The following SUPT3H variants were observed in gnomAD, a reference collection of about 807,000 sequenced individuals.
The protein encoded by SUPT3H is transcription initiation protein SPT3 homolog.
A neutral mutation model predicts 44.3 loss-of-function variants in SUPT3H; 44 were observed. That is an observed-to-expected ratio of 0.99 (90% CI 0.78 to 1.28). SUPT3H has a LOEUF of 1.28. SUPT3H is among the 50% of genes most tolerant of loss of function. The pLI is 0.00. For missense variants in SUPT3H, 380 were observed against 387.1 expected (o/e 0.98, Z 0.15); for synonymous variants, 124 against 125.6 (o/e 0.99, Z 0.09).
intron 3 of SUPT3H, among the ~76,000 whole-genome samples, chr6:45,088,802 CAGCTGTCATGGT>C (rs1796787927): frequency 6.6e-6 from 1 of 151,962 alleles, no homozygotes; most frequent in Non-Finnish European, 1.5e-5. Flanking sequence ...TCAATACTGA[CAGCTGTCATGGT>C]AGATTTGATT....
chr6:44,933,879 C>G (rs1002518698), intron 9 of SUPT3H, among the ~76,000 whole-genome samples: 6 of 152,168 alleles, frequency 3.9e-5, no homozygotes, highest in Non-Finnish European at 8.8e-5. Context: ...AACTGCTGGG[C>G]TGAAGTGATC....
rs552943875 is a variant in SUPT3H, at chr6:45,365,992, T to C, written c.1-691A>G. Among the ~76,000 whole-genome samples the C allele has an allele frequency of 9.2e-5, 14 of 152,284 alleles. 1 individual carries two copies. In the South Asian group the frequency reaches 2.9e-3, roughly 32 times the overall value. On this transcript the variant is annotated intron_variant, in intron 1 of 10. Coordinates refer to ENST00000371459, the MANE Select transcript of SUPT3H (RefSeq NM_003599.4). ...GATAAAGTGGGTGCCAATCCTAATGTATGACATTTTATTTAATGCATTAAA... is the reference window on the plus strand; with the variant it reads ...GATAAAGTGGGTGCCAATCCTAATGCATGACATTTTATTTAATGCATTAAA...
At chr6:45,003,815 A>T (rs1350537874) in intron 5 of SUPT3H, 23 bp from the exon 6 acceptor site, 1 of 1,612,568 alleles carries the variant, frequency 6.2e-7, no homozygotes, top group South Asian at 1.1e-5. Context: ...AAGGGAAAGA[A>T]AAAAAGAAAT....
intron 10 of SUPT3H, among the ~76,000 whole-genome samples, chr6:44,860,288 A>G (rs1295683019): frequency 6.6e-6 from 1 of 152,188 alleles, no homozygotes; most frequent in Non-Finnish European, 1.5e-5. Context: ...CTTCAGAGAT[A>G]TTCACAATCA....
At chr6:45,074,414 G>A (rs1435047441) in intron 3 of SUPT3H, among the ~76,000 whole-genome samples, 1 of 151,864 alleles carries the variant, frequency 6.6e-6, no homozygotes, top group East Asian at 1.9e-4. Flanking sequence ...AGTTTGAATA[G>A]ACACACCACA....
At chr6:45,308,411 T>C (rs1175635631) in intron 2 of SUPT3H, among the ~76,000 whole-genome samples, 1 of 152,164 alleles carries the variant, frequency 6.6e-6, no homozygotes, top group Non-Finnish European at 1.5e-5. Flanking sequence ...CAGCAGAAAC[T>C]ACGAGCCAGA....
chr6:45,331,864 T>C (rs547087818), intron 2 of SUPT3H, among the ~76,000 whole-genome samples: 35 of 151,992 alleles, frequency 2.3e-4, no homozygotes, highest in Admixed American at 7.9e-4. Context: ...AACTGATAGT[T>C]TGACTTGTTT....
At chr6:45,055,238 A>G (rs935272112) in intron 3 of SUPT3H, among the ~76,000 whole-genome samples, 3 of 152,172 alleles carry the variant, frequency 2.0e-5, no homozygotes, top group Non-Finnish European at 4.4e-5. Context: ...GAAAATGACC[A>G]TACTGCCAAA....
chr6:45,246,714 A>G (rs76753515), intron 2 of SUPT3H, among the ~76,000 whole-genome samples: 1 of 152,190 alleles, frequency 6.6e-6, no homozygotes, highest in Non-Finnish European at 1.5e-5. Flanking sequence ...CAGAAATTGT[A>G]AAACACGTAT....
At chr6:45,354,253 G>A (rs1792665285) in intron 2 of SUPT3H, among the ~76,000 whole-genome samples, 2 of 151,824 alleles carry the variant, frequency 1.3e-5, no homozygotes, top group African/African-American at 2.4e-5. Context: ...CTTAACAGCA[G>A]GGATTAAAAA....
intron 1 of SUPT3H, among the ~76,000 whole-genome samples, chr6:45,371,391 T>A (rs1449365247): frequency 7.0e-6 from 1 of 143,002 alleles, no homozygotes; most frequent in Non-Finnish European, 1.6e-5. Flanking sequence ...CAGTATTAGC[T>A]CACTTTTTTT....
chr6:45,006,627 C>A (rs1272532516), intron 5 of SUPT3H, among the ~76,000 whole-genome samples: 1 of 152,060 alleles, frequency 6.6e-6, no homozygotes, highest in Non-Finnish European at 1.5e-5. Flanking sequence ...AATCAAGTAA[C>A]TTTTTCTTCT....
At chr6:45,012,820 C>T (rs1282146651) in intron 5 of SUPT3H, among the ~76,000 whole-genome samples, 1 of 152,090 alleles carries the variant, frequency 6.6e-6, no homozygotes, top group Non-Finnish European at 1.5e-5. Flanking sequence ...TGGGGCTTGT[C>T]ATTGTTTATT....
chr6:44,998,968 A>C (rs1389403905), intron 6 of SUPT3H, among the ~76,000 whole-genome samples: 1 of 152,028 alleles, frequency 6.6e-6, no homozygotes, highest in Admixed American at 6.6e-5. Context: ...TTACTATCTA[A>C]ACAGTCTGTG....
intron 2 of SUPT3H, among the ~76,000 whole-genome samples, chr6:45,228,635 CTAAAAA>C (rs1767375672): frequency 6.6e-6 from 1 of 152,046 alleles, no homozygotes; most frequent in South Asian, 2.1e-4. Context: ...AATACACCTT[CTAAAAA>C]TAAAAATAAA....
intron 2 of SUPT3H, among the ~76,000 whole-genome samples, chr6:45,174,749 A>G (rs192196979): frequency 4.3e-4 from 65 of 151,946 alleles, no homozygotes; most frequent in Non-Finnish European, 6.9e-4. Flanking sequence ...TATATTCTCC[A>G]AAAGTTTTGC....
rs1368492538 is a variant in SUPT3H, at chr6:44,828,447, T to TTAAC, written c.*1365_*1368dup. Among the ~76,000 whole-genome samples the TTAAC allele has an allele frequency of 1.3e-5, 2 of 152,160 alleles. No homozygotes were observed. The highest frequency in any genetic ancestry group is 2.9e-5 in the Non-Finnish European group (2 of 68,010). On this transcript the variant is annotated 3_prime_UTR_variant, in exon 11 of 11. Coordinates refer to ENST00000371459, the MANE Select transcript of SUPT3H (RefSeq NM_003599.4). ...ATGTAAATAATGTGGCATAATAATA[T>TTAAC]TAACTGAGCCTCATAATTCTTTGAG...
intron 2 of SUPT3H, among the ~76,000 whole-genome samples, chr6:45,156,512 C>T (rs1052311297): frequency 4.6e-5 from 7 of 151,610 alleles, no homozygotes; most frequent in African/African-American, 1.7e-4. Flanking sequence ...CTTTTCTTTC[C>T]CTTTTCTGTT....
intron 3 of SUPT3H, among the ~76,000 whole-genome samples, chr6:45,082,049 T>C (rs1795882369): frequency 1.3e-5 from 2 of 151,982 alleles, no homozygotes; most frequent in Non-Finnish European, 1.5e-5. Flanking sequence ...CTAGAGGAAA[T>C]GGATAAATTC....
Sources: allele counts gnomAD v4.1 joint callset (sites outside exome capture counted in the v4.1 genomes callset), GRCh38; gene constraint gnomAD v4.1.1; transcripts MANE v1.5; gene names NCBI Gene and HGNC (gene_info 2026-07-23, HGNC 2026-07-21).